The following DOCK6 variants were observed in gnomAD, a reference collection of about 807,000 sequenced individuals.
The protein encoded by DOCK6 is dedicator of cytokinesis 6.
In DOCK6, 167 loss-of-function variants were observed where a neutral mutation model predicts 230.3. The observed-to-expected ratio is 0.73, with a 90% confidence interval of 0.64 to 0.82. The LOEUF is 0.82. Ranked by LOEUF, DOCK6 falls within the 40% of genes least tolerant of loss-of-function variation. The probability of loss-of-function intolerance (pLI) is 0.00; values close to 1 mark genes in which losing one functional copy is unlikely to be tolerated. For synonymous variants in DOCK6, 1,148 were observed against 1,185.0 expected (o/e 0.97, Z 0.64); for missense variants, 2,598 against 2,825.8 (o/e 0.92, Z 1.83).
chr19:11,257,464 TAC>T (rs2080215154), intron 1 of DOCK6, among the ~76,000 whole-genome samples: 3 of 115,770 alleles, frequency 2.6e-5, no homozygotes, highest in Non-Finnish European at 4.9e-5. Flanking sequence ...CAGCCTGGGC[TAC>T]AGAGACACTG....
At chr19:11,203,647 C>A in intron 41 of DOCK6, 1 of 201,062 alleles carries the variant, frequency 5.0e-6, no homozygotes, top group Non-Finnish European at 1.0e-5. Context: ...AAATGAGGAG[C>A]AGAGAGCCTG....
At position 11,245,625 on chromosome 19, in the gene DOCK6, G is replaced by A; in HGVS notation, c.961C>T (p.Leu321=). 1 of 1,598,852 alleles carries A rather than the reference G, an allele frequency of 6.3e-7. No homozygotes were observed. Among genetic ancestry groups the A allele is most frequent in the Admixed American group, 1.7e-5 (1 of 57,696 alleles). Residue 321 remains leucine, a synonymous_variant, in exon 9 of 48, where the codon CTG becomes TTG. Coordinates refer to ENST00000294618, the MANE Select transcript of DOCK6 (RefSeq NM_020812.4). ...ACAGAGAAGATGGCAGAGCGGGCCAGGGTGGAGATGGCAGGGTGGGTGCCA... is the reference window on the plus strand; with the variant it reads ...ACAGAGAAGATGGCAGAGCGGGCCAAGGTGGAGATGGCAGGGTGGGTGCCA... The part of the protein sequence containing the change: ...AHGTHPAIST[L]ARSAIFSVTY...
intron 7 of DOCK6, 135 bp from the exon 8 acceptor site, chr19:11,246,013 A>G: frequency 1.0e-6 from 1 of 992,422 alleles, no homozygotes; most frequent in South Asian, 1.6e-5. Flanking sequence ...AAGGGCTTGC[A>G]GAAAAGGTAC....
Position 11,222,923 on chromosome 19 carries a change from C to T in DOCK6, c.3070-18G>A. 6.2e-7 allele frequency: 1 copy of T among 1,611,852 alleles called. No homozygotes were observed. Among genetic ancestry groups the T allele is most frequent in the African/African-American group, 1.3e-5 (1 of 74,968 alleles). On this transcript the variant is annotated intron_variant, in intron 25 of 47. Transcript: ENST00000294618. The surrounding 1 kb of genome is among the most constrained non-coding windows in gnomAD (Gnocchi z 4.0). ...GTGGCCACCTGCAGGAGAGGGGTGGCCATCAGTGATGTCAACATTGCTCCG... is the reference window on the plus strand; with the variant it reads ...GTGGCCACCTGCAGGAGAGGGGTGGTCATCAGTGATGTCAACATTGCTCCG...
At position 11,237,521 on chromosome 19, in the gene DOCK6, C is replaced by T. The variant is rs538227975; in HGVS notation, c.2008G>A (p.Gly670Ser). The T allele has an allele frequency of 3.7e-6, 6 of 1,607,170 alleles. No individual in the cohort carries two copies. The highest frequency in any genetic ancestry group is 1.7e-5 in the Admixed American group (1 of 59,446). ...ACAGACACTGGGAGACAGAAGGGGC[C>T]GGTCCTCAGGCGCCCGTGCTGCAGC... ...PLLQHGRLRT[G>S]PFCLPVSVDQ... Residue 670 changes from glycine to serine, a missense_variant, in exon 18 of 48, where the codon GGC becomes AGC. By Grantham distance (56) the Gly-to-Ser change is moderately conservative. Coordinates refer to ENST00000294618, the MANE Select transcript of DOCK6 (RefSeq NM_020812.4).
At chr19:11,205,937 C>A (rs767840218) in intron 39 of DOCK6, 1 of 152,076 alleles carries the variant, frequency 6.6e-6, no homozygotes, top group African/African-American at 2.4e-5. Context: ...TCCTCTGAGG[C>A]CTTCGTCTCC....
rs147405465 is a variant in DOCK6, at chr19:11,239,858, T to C, written c.1644-1554A>G. On this transcript the variant is annotated intron_variant, in intron 14 of 47. Coordinates refer to ENST00000294618, the MANE Select transcript of DOCK6 (RefSeq NM_020812.4). ...AGCCTGGGTCTCTATGGCCGCACAATAGAACTCCTGGGGCAGGAGGTCAGC... is the reference window on the plus strand; with the variant it reads ...AGCCTGGGTCTCTATGGCCGCACAACAGAACTCCTGGGGCAGGAGGTCAGC... The C allele has an allele frequency of 1.1e-5, 18 of 1,599,246 alleles. No homozygotes were observed. The African/African-American group carries it at 2.3e-4, about 20-fold the overall frequency.
At chr19:11,259,236 G>A (rs141282880) in intron 1 of DOCK6, among the ~76,000 whole-genome samples, 2 of 152,132 alleles carry the variant, frequency 1.3e-5, no homozygotes, top group African/African-American at 4.8e-5. Flanking sequence ...GTTTCTTGCA[G>A]AGACAGGGTC....
chr19:11,244,235 T>C (rs889685574), intron 9 of DOCK6, among the ~76,000 whole-genome samples: 3 of 152,092 alleles, frequency 2.0e-5, no homozygotes, highest in Non-Finnish European at 4.4e-5. Flanking sequence ...TCTCAAACTC[T>C]TGGGCTCAAG....
At chr19:11,203,914 T>G in intron 41 of DOCK6, 167 bp downstream of exon 41, 1 of 881,838 alleles carries the variant, frequency 1.1e-6, no homozygotes, top group Non-Finnish European at 1.7e-6. Flanking sequence ...TGGGGGCATT[T>G]TTGGGGAAGG....
At chr19:11,242,954 A>G (rs897574889) in intron 13 of DOCK6, 105 bp downstream of exon 13, 3 of 1,298,096 alleles carry the variant, frequency 2.3e-6, no homozygotes, top group African/African-American at 2.9e-5. Flanking sequence ...CATCATGGTC[A>G]TCGTTGGGTC....
At chr19:11,221,743 A>C in intron 28 of DOCK6, 108 bp downstream of exon 28, 2 of 1,530,840 alleles carry the variant, frequency 1.3e-6, no homozygotes, top group Non-Finnish European at 1.8e-6. Flanking sequence ...TGCTAATCCT[A>C]ATGTCTATAC....
At chr19:11,233,084 C>T (rs1243931087) in intron 22 of DOCK6, 119 bp downstream of exon 22, 27 of 1,349,856 alleles carry the variant, frequency 2.0e-5, no homozygotes, top group East Asian at 2.5e-5. Context: ...CCCAGAGTGA[C>T]GCCTTCATTC....
chr19:11,211,065 TCTC>T (rs2079375677), intron 37 of DOCK6, among the ~76,000 whole-genome samples: 1 of 151,666 alleles, frequency 6.6e-6, no homozygotes, highest in South Asian at 2.1e-4. Context: ...TACTCACCTG[TCTC>T]CTCACCTATG....
At chr19:11,223,150 C>A (rs2147785823) in intron 24 of DOCK6, 44 bp from the exon 25 acceptor site, 1 of 1,579,158 alleles carries the variant, frequency 6.3e-7, no homozygotes, top group Non-Finnish European at 8.7e-7. Flanking sequence ...CAAACCTCAG[C>A]CCCGACAGGG....
chr19:11,239,756 A>G, intron 14 of DOCK6: 2 of 1,612,502 alleles, frequency 1.2e-6, no homozygotes, highest in Non-Finnish European at 1.7e-6. Context: ...CTGCTCTTCC[A>G]TGGGACCCTG....
Position 11,215,939 on chromosome 19 carries a change from G to C in DOCK6, c.3895-12C>G, listed in dbSNP as rs2079479033. ...AAGGCCTTTTTCCCCTGGGGGTGCA[G>C]AGAACTGGGGTTCCAGGCTGACTCT... is the stretch of plus-strand genomic sequence containing the variant. On this transcript the variant is annotated splice_polypyrimidine_tract_variant and intron_variant, in intron 30 of 47. Transcript: ENST00000294618. 5 of 1,613,742 alleles carry C rather than the reference G, an allele frequency of 3.1e-6. No individual in the cohort carries two copies. The highest frequency in any genetic ancestry group is 3.4e-6 in the Non-Finnish European group (4 of 1,179,778).
At chr19:11,235,856 G>T in intron 20 of DOCK6, 97 bp from the exon 21 acceptor site, 4 of 1,391,290 alleles carry the variant, frequency 2.9e-6, no homozygotes, top group East Asian at 2.6e-5. Context: ...GAGGGATCAT[G>T]TGCTCATTAA....
chr19:11,211,787 G>A lies in DOCK6; in HGVS notation c.4740C>T (p.Asp1580=). The A allele has an allele frequency of 5.2e-6, 8 of 1,551,346 alleles. No individual in the cohort carries two copies. Among genetic ancestry groups the A allele is most frequent in the Non-Finnish European group, 7.0e-6 (8 of 1,146,700 alleles). ...EHQEDPEMLI[D]LMYRIARGYQ... is the part of the protein sequence containing the mutation. ...CTGGCCCACCTCACCTGTACATGAG[G>A]TCGATGAGCATCTCAGGGTCCTCCT... The change falls in exon 37 of 48, where the codon GAC becomes GAT. Residue 1580 remains aspartate, a synonymous_variant. Transcript: ENST00000294618.
Sources: gnomAD v4.1 joint callset for allele counts (sites outside exome capture counted in the v4.1 genomes callset) on GRCh38, gnomAD v4.1.1 for gene constraint, Gnocchi (gnomAD v3.1) non-coding constraint, MANE v1.5 for transcripts, NCBI Gene and HGNC (gene_info 2026-07-23, HGNC 2026-07-21) for gene names.